Variants in PC observed in about 807,000 individuals in gnomAD.
PC encodes the protein pyruvate carboxylase.
Under a neutral mutation model 107.8 loss-of-function variants are expected in PC, and 46 were observed. That is an observed-to-expected ratio of 0.43 (90% confidence interval 0.34 to 0.55). The LOEUF is 0.55. Among genes scored for constraint, PC ranks in the 20% least tolerant of loss-of-function variants. The probability of loss-of-function intolerance (pLI) is 0.04; values close to 1 mark genes in which losing one functional copy is unlikely to be tolerated. For synonymous variants in PC, 662 were observed against 684.7 expected, an observed-to-expected ratio of 0.97 and a Z score of 0.52; for missense variants, 1,241 against 1,643.1, an observed-to-expected ratio of 0.76 and a Z score of 4.23.
At chr11:66,856,057 TGG>T (rs1945795554) in intron 12 of PC, among the ~76,000 whole-genome samples, 1 of 152,078 alleles carries the variant, frequency 6.6e-6, no homozygotes, top group African/African-American at 2.4e-5. Flanking sequence ...AGACCACTGG[TGG>T]TGGCGGGCAC....
intron 3 of PC, among the ~76,000 whole-genome samples, chr11:66,904,144 T>A (rs1001457917): frequency 6.6e-6 from 1 of 152,108 alleles, no homozygotes; most frequent in Non-Finnish European, 1.5e-5. Context: ...ACACAGAGCA[T>A]GGGGCTTTCT....
intron 12 of PC, among the ~76,000 whole-genome samples, chr11:66,856,188 C>A (rs943325976): frequency 6.6e-6 from 1 of 152,240 alleles, no homozygotes; most frequent in Admixed American, 6.5e-5. Context: ...TGGTTCCGAG[C>A]CGCTCTTCCA....
chr11:66,932,856 C>A (rs549765345), intron 3 of PC, among the ~76,000 whole-genome samples: 1 of 152,256 alleles, frequency 6.6e-6, no homozygotes, highest in African/African-American at 2.4e-5. Flanking sequence ...GTCTTTTCTG[C>A]ACACCAAAAC....
chr11:66,889,322 C>T (rs553579592), intron 3 of PC, among the ~76,000 whole-genome samples: 4 of 151,762 alleles, frequency 2.6e-5, no homozygotes, highest in South Asian at 2.1e-4. Flanking sequence ...ACAGGGGTGG[C>T]GGGGGCAAAT....
At chr11:66,893,903 T>C (rs1378517779) in intron 3 of PC, among the ~76,000 whole-genome samples, 5 of 151,544 alleles carry the variant, frequency 3.3e-5, no homozygotes, top group Non-Finnish European at 5.9e-5. Flanking sequence ...GCTTAGGGTC[T>C]TCTTTAGCTC....
intron 3 of PC, among the ~76,000 whole-genome samples, chr11:66,941,084 A>G (rs1949118005): frequency 7.1e-6 from 1 of 140,396 alleles, no homozygotes; most frequent in Non-Finnish European, 1.5e-5. Context: ...CATCTAAAAA[A>G]AAAAAAAAAA....
At chr11:66,882,662 C>G (rs994280160) in intron 3 of PC, among the ~76,000 whole-genome samples, 5 of 152,250 alleles carry the variant, frequency 3.3e-5, no homozygotes, top group Admixed American at 6.5e-5. Context: ...CTAGCCCCAG[C>G]TGGGCTCCAC....
In PC at chr11:66,848,697, T is replaced by C. The variant is rs965266174; in HGVS notation, c.*202A>G. On this transcript the variant is annotated 3_prime_UTR_variant, in exon 23 of 23. Transcript: ENST00000393960. The stretch of plus-strand genomic sequence containing the variant: ...ACCCTTATTTGGCAAGAGATGAACA[T>C]GTAAGCAGCTGTCCGCCGGAGGAAA... 5 of 659,336 alleles carry C rather than the reference T, an allele frequency of 7.6e-6. No homozygotes were observed. The highest frequency in any genetic ancestry group is 7.2e-5 in the African/African-American group (4 of 55,534). The allele number at this position is 659,336 out of a possible 1,614,324, so 40.8% of individuals were successfully genotyped here. A position where few individuals can be genotyped will look rare whatever the true frequency, so the allele number is the denominator to read the frequency against.
At position 66,849,029 on chromosome 11, in the gene PC, G is replaced by T; in HGVS notation, c.3407C>A (p.Pro1136His). ...VAGAKVAKGQ[P>H]LCVLSAMKME... is the part of the protein sequence containing the mutation. ...CTTCATGGCACTGAGCACACACAGG[G>T]GCTGGCCCTTGGCCACCTTGGCCCC... Residue 1136 changes from proline (P) to histidine (H), a missense_variant, in exon 23 of 23, where the codon CCC becomes CAC. By Grantham distance (77) the Pro-to-His change is moderately conservative (BLOSUM62 -2). Around this residue, in one of 2 missense-constraint regions of PC, gnomAD observed 98 missense variants for 91.2 expected, o/e 1.07. Transcript: ENST00000393960. 1 of 1,614,082 alleles carries T rather than the reference G, an allele frequency of 6.2e-7. No individual in the cohort carries two copies. Among genetic ancestry groups the T allele is most frequent in the Non-Finnish European group, 8.5e-7 (1 of 1,180,036 alleles).
chr11:66,912,666 T>A (rs561594937), intron 3 of PC, among the ~76,000 whole-genome samples: 1 of 152,264 alleles, frequency 6.6e-6, no homozygotes, highest in East Asian at 1.9e-4. Context: ...CAACACAAAA[T>A]AGGCAGCTTT....
chr11:66,910,943 C>T (rs1032037498), intron 3 of PC, among the ~76,000 whole-genome samples: 3 of 152,198 alleles, frequency 2.0e-5, no homozygotes, highest in Admixed American at 6.5e-5. Flanking sequence ...ACACTTAAGT[C>T]GCTCTTCAAC....
intron 3 of PC, among the ~76,000 whole-genome samples, chr11:66,948,010 T>TA (rs1233312748): frequency 9.1e-6 from 1 of 109,760 alleles, no homozygotes; most frequent in Non-Finnish European, 1.9e-5. Context: ...TCATCTCTAC[T>TA]AAAGATAGAT....
At chr11:66,950,484 A>G (rs1480392588) in intron 3 of PC, among the ~76,000 whole-genome samples, 2 of 152,226 alleles carry the variant, frequency 1.3e-5, no homozygotes, top group Admixed American at 1.3e-4. Context: ...GCCTTCAGGC[A>G]TAACACTTAA....
chr11:66,919,144 G>A (rs902235780), intron 3 of PC, among the ~76,000 whole-genome samples: 6 of 152,294 alleles, frequency 3.9e-5, no homozygotes, highest in African/African-American at 1.4e-4. Context: ...AGCCAGGTGC[G>A]GTGGCTCAGG....
At position 66,852,834 on chromosome 11, in the gene PC, G is replaced by C. The variant is rs45461300; in HGVS notation, c.1516C>G (p.His506Asp). The change falls in exon 14 of 23, where the codon CAT (histidine) becomes GAT (aspartate). Residue 506 changes from histidine (H) to aspartate (D), a missense_variant and splice_region_variant. Around this residue, in one of 2 missense-constraint regions of PC, gnomAD observed 1,143 missense variants for 1,551.9 expected, o/e 0.74. Transcript: ENST00000393960. This position sits in a 1 kb window ranked among gnomAD's most constrained non-coding sequence, Gnocchi z 4.7. Reference sequence around the variant, plus strand: ...GTGGTTGGACCGTTTACCATGACATGGCCTGGGGAGAAAGCGGGCAGTGGG... The same window carrying C: ...GTGGTTGGACCGTTTACCATGACATCGCCTGGGGAGAAAGCGGGCAGTGGG... Reference protein sequence around the residue: ...RAQKLLHYLGHVMVNGPTTPI... With the variant: ...RAQKLLHYLGDVMVNGPTTPI... The C allele has an allele frequency of 2.4e-5, 37 of 1,563,366 alleles. No individual in the cohort carries two copies. The highest frequency in any genetic ancestry group is 3.1e-5 in the Non-Finnish European group (36 of 1,151,562).
intron 3 of PC, among the ~76,000 whole-genome samples, chr11:66,928,507 A>G (rs1442081707): frequency 6.6e-6 from 1 of 151,850 alleles, no homozygotes; most frequent in African/African-American, 2.4e-5. Flanking sequence ...AAAAAAAATA[A>G]TGTGAGCATT....
Position 66,849,023 on chromosome 11 carries a change from C to T in PC, c.3413G>A (p.Cys1138Tyr). 1 of 1,614,096 alleles carries T rather than the reference C, an allele frequency of 6.2e-7. No individual in the cohort carries two copies. The highest frequency in any genetic ancestry group is 8.5e-7 in the Non-Finnish European group (1 of 1,180,036). The change falls in exon 23 of 23, where the codon TGT (cysteine) becomes TAT (tyrosine). Residue 1138 changes from cysteine (C) to tyrosine (Y), a missense_variant. Physicochemically the swap from Cys to Tyr is radical, Grantham distance 194 (BLOSUM62 -2). Transcript: ENST00000393960. ...GAKVAKGQPL[C>Y]VLSAMKMETV... The stretch of plus-strand genomic sequence containing the variant: ...CTCCATCTTCATGGCACTGAGCACA[C>T]ACAGGGGCTGGCCCTTGGCCACCTT...
rs924918661 is a variant in PC at position 66,870,191 on chromosome 11, CAGTCCCCAGAAGGGGACTCAG to C, written c.903+90_903+110del. ...TCCTTCACCCTCTTCTCCCCATCCCCAGTCCCCAGAAGGGGACTCAGGGTCCCCTTCCCCAACCAGCGCCCC... is the reference window on the plus strand; with the variant it reads ...TCCTTCACCCTCTTCTCCCCATCCCCGGTCCCCTTCCCCAACCAGCGCCCC... On this transcript the variant is annotated intron_variant, in intron 9 of 22. Transcript: ENST00000393960. This position sits in a 1 kb window ranked among gnomAD's most constrained non-coding sequence, Gnocchi z 6.1. 1.8e-4 allele frequency: 239 copies of C among 1,321,602 alleles called. 2 individuals are homozygous for C. Among genetic ancestry groups the C allele is most frequent in the East Asian group, 1.0e-3 (44 of 42,478 alleles). The allele number at this position is 1,321,602 out of a possible 1,614,324, so 81.9% of individuals were successfully genotyped here.
chr11:66,946,489 C>CG, intron 3 of PC, among the ~76,000 whole-genome samples: 2 of 151,562 alleles, frequency 1.3e-5, no homozygotes, highest in Non-Finnish European at 2.9e-5. Flanking sequence ...ATTAGCTGGG[C>CG]CACGCCTGTA....
Sources: gnomAD v4.1 joint callset for allele counts (sites outside exome capture counted in the v4.1 genomes callset) on GRCh38, gnomAD v4.1.1 for gene constraint, gnomAD v4.1.1 regional missense constraint, Gnocchi (gnomAD v3.1) non-coding constraint, MANE v1.5 for transcripts, NCBI Gene and HGNC (gene_info 2026-07-23, HGNC 2026-07-21) for gene names.